The following AGO3 variants were observed in gnomAD, a reference collection of about 807,000 sequenced individuals.
AGO3 encodes the protein argonaute RISC catalytic component 3.
In AGO3, 16 loss-of-function variants were observed where a neutral mutation model predicts 105.5. The observed-to-expected ratio is 0.15, with a 90% CI of 0.10 to 0.23. The LOEUF (loss-of-function observed/expected upper bound fraction) is 0.23, where lower values mean the gene tolerates loss of function less well. Among genes scored for constraint, AGO3 ranks in the 10% least tolerant of loss-of-function variants. The pLI, the probability that AGO3 is intolerant of heterozygous loss-of-function variation, is 1.00. For synonymous variants in AGO3, 340 were observed against 367.3 expected (o/e 0.93, Z 0.85); for missense variants, 534 against 1,088.0 (o/e 0.49, Z 7.16).
chr1:35,982,828 C>T (rs193016797), intron 5 of AGO3: 85 of 492,810 alleles, frequency 1.7e-4, no homozygotes, highest in Admixed American at 3.3e-4. Flanking sequence ...GTACATGGAA[C>T]GGATTGGAAA....
At chr1:35,938,205 C>A (rs907922197) in intron 1 of AGO3, among the ~76,000 whole-genome samples, 1 of 151,826 alleles carries the variant, frequency 6.6e-6, no homozygotes, top group African/African-American at 2.4e-5. Flanking sequence ...GGTCTTGAAC[C>A]AGACCTGACC....
At chr1:35,939,795 C>G (rs1325339016) in intron 1 of AGO3, among the ~76,000 whole-genome samples, 1 of 152,046 alleles carries the variant, frequency 6.6e-6, no homozygotes. Context: ...ATAGGCAGAA[C>G]TGTATAATAA....
intron 6 of AGO3, among the ~76,000 whole-genome samples, chr1:36,007,974 A>T (rs1165715921): frequency 6.6e-6 from 1 of 152,140 alleles, no homozygotes; most frequent in Middle Eastern, 3.2e-3. Flanking sequence ...GAACTCCTAA[A>T]ATCATGTGCT....
chr1:35,936,168 T>C (rs1333700651), intron 1 of AGO3, among the ~76,000 whole-genome samples: 2 of 152,166 alleles, frequency 1.3e-5, no homozygotes, highest in African/African-American at 4.8e-5. Context: ...TTAGGATACA[T>C]GAACAGCCTT....
At chr1:35,991,958 T>C (rs1480012940) in intron 5 of AGO3, among the ~76,000 whole-genome samples, 1 of 152,200 alleles carries the variant, frequency 6.6e-6, no homozygotes, top group East Asian at 1.9e-4. Context: ...CACTGAATGC[T>C]CTGAAGGCAT....
At chr1:36,040,705 A>G (rs1297102955) in intron 16 of AGO3, among the ~76,000 whole-genome samples, 1 of 152,184 alleles carries the variant, frequency 6.6e-6, no homozygotes, top group East Asian at 1.9e-4. Flanking sequence ...TTCTATTCAT[A>G]TTTTCCTAAA....
At chr1:35,944,254 A>G (rs1646315723) in intron 1 of AGO3, among the ~76,000 whole-genome samples, 1 of 151,366 alleles carries the variant, frequency 6.6e-6, no homozygotes, top group Non-Finnish European at 1.5e-5. Flanking sequence ...TTTTTAAGAC[A>G]GGGTCTTGCC....
intron 17 of AGO3, among the ~76,000 whole-genome samples, chr1:36,053,743 T>G (rs1642813452): frequency 8.7e-6 from 1 of 114,856 alleles, no homozygotes; most frequent in Admixed American, 9.6e-5. Context: ...CACACCTGGC[T>G]AATTTTTTTT....
rs1446125093 is a variant in AGO3 at position 36,064,994 on chromosome 1, C to T, written c.*9249C>T. 6.6e-6 allele frequency: 1 copy of T among 151,862 alleles called. No homozygotes were observed. The highest frequency in any genetic ancestry group is 6.6e-5 in the Admixed American group (1 of 15,212). The allele number at this position is 151,862 out of a possible 1,614,324, so 9.4% of individuals were successfully genotyped here. A position where few individuals can be genotyped will look rare whatever the true frequency, so the allele number is the denominator to read the frequency against. ...CCAGCCTGCCCAATATGGTGAAACCCTGTCTCTACTAAAATTACAAAAATT... is the reference window on the plus strand; with the variant it reads ...CCAGCCTGCCCAATATGGTGAAACCTTGTCTCTACTAAAATTACAAAAATT... On this transcript the variant is annotated 3_prime_UTR_variant, in exon 19 of 19. Transcript: ENST00000373191.
chr1:36,034,844 A>G (rs1313622348), intron 13 of AGO3, among the ~76,000 whole-genome samples: 5 of 152,220 alleles, frequency 3.3e-5, no homozygotes, highest in Non-Finnish European at 7.3e-5. Context: ...AGTAAGCCAT[A>G]TCAGCCTTCC....
rs1031458466 is a variant in AGO3, at chr1:36,063,137, A to G, written c.*7392A>G. On this transcript the variant is annotated 3_prime_UTR_variant, in exon 19 of 19. Transcript: ENST00000373191. ...AACTCTAGAGTTTGGATTTTTACCA[A>G]TAAACCATTAACACTATTTTGTAAC... The G allele has an allele frequency of 2.0e-5, 3 of 152,170 alleles. No homozygotes were observed. Among genetic ancestry groups the G allele is most frequent in the African/African-American group, 7.2e-5 (3 of 41,432 alleles). The allele number at this position is 152,170 out of a possible 1,614,324, so 9.4% of individuals were successfully genotyped here. A position where few individuals can be genotyped will look rare whatever the true frequency, so the allele number is the denominator to read the frequency against.
At position 35,933,651 on chromosome 1, in the gene AGO3, A is replaced by C. The variant is rs537099584; in HGVS notation, c.19+2206A>C. Reference sequence around the variant, plus strand: ...GCAAGACCCTGTCTCAAAAAAAAAAAAAAAAAAAAAAAAAAAAAAAATCAT... The same window carrying C: ...GCAAGACCCTGTCTCAAAAAAAAAACAAAAAAAAAAAAAAAAAAAAATCAT... On this transcript the variant is annotated intron_variant, in intron 1 of 18. Transcript: ENST00000373191. Among the ~76,000 whole-genome samples the C allele has an allele frequency of 6.4e-4, 96 of 148,932 alleles. No individual in the cohort carries two copies. In the South Asian group the frequency reaches 0.019, roughly 29 times the overall value.
At chr1:35,933,495 A>G (rs1346336695) in intron 1 of AGO3, among the ~76,000 whole-genome samples, 1 of 151,930 alleles carries the variant, frequency 6.6e-6, no homozygotes, top group African/African-American at 2.4e-5. Context: ...CAGAAAACTT[A>G]GCCGAGAATT....
Position 36,069,517 on chromosome 1 carries a change from G to A in AGO3, c.*13772G>A, listed in dbSNP as rs912736183. 6.6e-6 allele frequency: 1 copy of A among 152,208 alleles called. No individual in the cohort carries two copies. Among genetic ancestry groups the A allele is most frequent in the Non-Finnish European group, 1.5e-5 (1 of 68,042 alleles). 9.4% of individuals were successfully genotyped at this position (152,208 alleles called of 1,614,324 possible). On this transcript the variant is annotated 3_prime_UTR_variant, in exon 19 of 19. Transcript: ENST00000373191. The stretch of plus-strand genomic sequence containing the variant: ...GGATTCCTTTCCAGTTTGCCTCTGT[G>A]AAAATGTCTTTGTTGTAGATCATTT...
chr1:36,071,823 C>T lies in AGO3; in HGVS notation c.*16078C>T, dbSNP rs1643170320. 1 of 152,168 alleles carries T rather than the reference C, an allele frequency of 6.6e-6. No individual in the cohort carries two copies. Among genetic ancestry groups the T allele is most frequent in the East Asian group, 1.9e-4 (1 of 5,188 alleles). 9.4% of individuals were successfully genotyped at this position (152,168 alleles called of 1,614,324 possible). A position where few individuals can be genotyped will look rare whatever the true frequency, so the allele number is the denominator to read the frequency against. ...TTTTGAATGAGACTAAACTTGACTGCCATATTTTAAGAGGAAATTGAAACT... is the reference window on the plus strand; with the variant it reads ...TTTTGAATGAGACTAAACTTGACTGTCATATTTTAAGAGGAAATTGAAACT... On this transcript the variant is annotated 3_prime_UTR_variant, in exon 19 of 19. Transcript: ENST00000373191.
At chr1:35,975,843 A>T (rs1254363052) in intron 5 of AGO3, among the ~76,000 whole-genome samples, 2 of 152,094 alleles carry the variant, frequency 1.3e-5, no homozygotes, top group Non-Finnish European at 2.9e-5. Context: ...GTCAAAGAAT[A>T]TACTATGTCT....
intron 9 of AGO3, among the ~76,000 whole-genome samples, chr1:36,011,971 C>T (rs1280449496): frequency 2.0e-5 from 3 of 152,116 alleles, no homozygotes; most frequent in African/African-American, 2.4e-5. Context: ...CGTCATTATT[C>T]GCTGTAACCT....
At chr1:35,983,703 C>T (rs630364) in intron 5 of AGO3, among the ~76,000 whole-genome samples, 34,736 of 152,078 alleles carry the variant, frequency 0.23, 6,478 homozygotes, top group East Asian at 0.69. Context: ...TAAACTGGCT[C>T]CCAAGAAGGT....
In AGO3 at chr1:35,970,443, C is replaced by G. The variant is rs771213631; in HGVS notation, c.313-1581C>G. 2.3e-4 allele frequency among the ~76,000 whole-genome samples: 35 copies of G among 152,124 alleles called. 1 individual carries two copies. Among genetic ancestry groups the G allele is most frequent in the Non-Finnish European group, 4.1e-4 (28 of 68,030 alleles). ...CCTGGCTCCTCAAAACATCACCACT[C>G]CTTCTCATTTGCTCAGTCCTACAGT... On this transcript the variant is annotated intron_variant, in intron 3 of 18. Coordinates refer to ENST00000373191, the MANE Select transcript of AGO3 (RefSeq NM_024852.4).
Sources: gnomAD v4.1 joint callset for allele counts (sites outside exome capture counted in the v4.1 genomes callset) on GRCh38, gnomAD v4.1.1 for gene constraint, MANE v1.5 for transcripts, NCBI Gene and HGNC (gene_info 2026-07-23, HGNC 2026-07-21) for gene names.